SAMTOR: variants seen among roughly 807,000 people sequenced by gnomAD.
SAMTOR encodes S-adenosylmethionine sensor upstream of mTORC1.
At chr7:112,839,162 TA>T in the SAMTOR span, among the ~76,000 whole-genome samples, 12 of 151,912 alleles carry the variant, frequency 7.9e-5, no homozygotes, top group African/African-American at 2.6e-4. Context: ...TATGACAAGG[TA>T]AAAGAAACTA....
At chr7:112,907,629 A>C in the SAMTOR span, among the ~76,000 whole-genome samples, 2 of 151,478 alleles carry the variant, frequency 1.3e-5, no homozygotes, top group African/African-American at 2.4e-5. Flanking sequence ...AGTCAACAGA[A>C]AAAAAAAACT....
the SAMTOR span, among the ~76,000 whole-genome samples, chr7:112,859,400 T>C: frequency 6.6e-6 from 1 of 152,238 alleles, no homozygotes; most frequent in Non-Finnish European, 1.5e-5. Context: ...CAATTCTGCA[T>C]TGCCAGTCTT....
At chr7:112,917,878 C>A in the SAMTOR span, among the ~76,000 whole-genome samples, 5 of 151,710 alleles carry the variant, frequency 3.3e-5, no homozygotes, top group Admixed American at 1.3e-4. Context: ...TGAAATGAAG[C>A]GAGAAGGGAA....
chr7:112,902,432 A>AAAAC, the SAMTOR span, among the ~76,000 whole-genome samples: 1 of 110,982 alleles, frequency 9.0e-6, no homozygotes, highest in Admixed American at 9.1e-5. Flanking sequence ...AAAAAAACAA[A>AAAAC]AAAAAACAAA....
the SAMTOR span, among the ~76,000 whole-genome samples, chr7:112,842,392 G>A: frequency 1.3e-5 from 2 of 151,914 alleles, no homozygotes; most frequent in East Asian, 3.9e-4. Flanking sequence ...GAGTGTAAAA[G>A]CCAACACTCA....
chr7:112,904,779 T>C, the SAMTOR span, among the ~76,000 whole-genome samples: 1 of 152,164 alleles, frequency 6.6e-6, no homozygotes, highest in African/African-American at 2.4e-5. Flanking sequence ...AATCCAAAGA[T>C]GAAATAGTTA....
chr7:112,890,249 T>G, the SAMTOR span, among the ~76,000 whole-genome samples: 1 of 152,038 alleles, frequency 6.6e-6, no homozygotes, highest in Non-Finnish European at 1.5e-5. Flanking sequence ...TGGAAGAGGG[T>G]GGAAGCCTTA....
At chr7:112,929,969 C>A in the SAMTOR span, among the ~76,000 whole-genome samples, 1 of 128,136 alleles carries the variant, frequency 7.8e-6, no homozygotes, top group Non-Finnish European at 1.8e-5. Context: ...ATTTGAGGGC[C>A]ATCAAATTCT....
At chr7:112,930,841 C>CT in the SAMTOR span, among the ~76,000 whole-genome samples, 1 of 152,140 alleles carries the variant, frequency 6.6e-6, no homozygotes, top group Non-Finnish European at 1.5e-5. Flanking sequence ...ATTAAGTAAA[C>CT]TTTTCCAAGG....
chr7:112,900,100 G>C, the SAMTOR span, among the ~76,000 whole-genome samples: 2 of 151,698 alleles, frequency 1.3e-5, no homozygotes, highest in African/African-American at 4.9e-5. Flanking sequence ...AACCCAATGG[G>C]ATAAATTTAT....
the SAMTOR span, chr7:112,939,545 G>C: frequency 1.2e-6 from 2 of 1,613,082 alleles, no homozygotes; most frequent in Non-Finnish European, 1.7e-6. Flanking sequence ...AAGCGGTTGG[G>C]GGTGATGAGG....
At chr7:112,878,570 T>C in the SAMTOR span, among the ~76,000 whole-genome samples, 13 of 152,110 alleles carry the variant, frequency 8.5e-5, no homozygotes, top group East Asian at 2.5e-3. Flanking sequence ...TGACACTATA[T>C]CTAAGGACAA....
chr7:112,869,955 A>C, the SAMTOR span, among the ~76,000 whole-genome samples: 7 of 152,244 alleles, frequency 4.6e-5, no homozygotes, highest in Non-Finnish European at 1.0e-4. Context: ...AGCAGAAGAA[A>C]GAATTTCAGA....
At chr7:112,832,519 T>C in the SAMTOR span, 4 of 1,088,620 alleles carry the variant, frequency 3.7e-6, no homozygotes, top group African/African-American at 1.6e-5. Flanking sequence ...TTTGTAAATA[T>C]ACATGTAAAA....
the SAMTOR span, chr7:112,832,510 T>G: frequency 1.9e-6 from 2 of 1,043,636 alleles, no homozygotes; most frequent in East Asian, 4.8e-5. Context: ...TGCTTTTCTT[T>G]TGTAAATATA....
chr7:112,923,068 G>T, the SAMTOR span, among the ~76,000 whole-genome samples: 33 of 152,214 alleles, frequency 2.2e-4, no homozygotes, highest in Admixed American at 2.2e-3. Context: ...TTGAGAAATC[G>T]GATGGTTGCT....
At chr7:112,835,170 A>AT in the SAMTOR span, among the ~76,000 whole-genome samples, 2 of 151,662 alleles carry the variant, frequency 1.3e-5, no homozygotes, top group African/African-American at 2.4e-5. Context: ...ACTATGCATT[A>AT]TTTTTTTTAG....
the SAMTOR span, among the ~76,000 whole-genome samples, chr7:112,840,420 T>C: frequency 6.6e-6 from 1 of 151,930 alleles, no homozygotes; most frequent in Non-Finnish European, 1.5e-5. Flanking sequence ...GATCACTTTT[T>C]TTCTGCCTGA....
At chr7:112,857,247 G>A in the SAMTOR span, among the ~76,000 whole-genome samples, 3 of 150,264 alleles carry the variant, frequency 2.0e-5, no homozygotes, top group South Asian at 6.3e-4. Context: ...GCCCACCACC[G>A]CGCCCGGCTA....
Sources: gnomAD v4.1 joint callset for allele counts (sites outside exome capture counted in the v4.1 genomes callset) on GRCh38, gnomAD v4.1.1 for gene constraint, MANE v1.5 for transcripts, NCBI Gene and HGNC (gene_info 2026-07-23, HGNC 2026-07-21) for gene names.